The following GUCY1A2 variants were observed in gnomAD, a reference collection of about 807,000 sequenced individuals.
GUCY1A2 encodes guanylate cyclase 1 soluble subunit alpha 2.
In GUCY1A2, 27 loss-of-function variants were observed where a neutral mutation model predicts 63.5. The ratio of observed to expected loss-of-function variants is 0.43; its 90% CI spans 0.31 to 0.59. GUCY1A2 has a LOEUF of 0.59. Ranked by LOEUF, GUCY1A2 falls within the 20% of genes least tolerant of loss-of-function variation. The pLI is 0.11. For synonymous variants in GUCY1A2, 364 were observed against 343.5 expected (o/e 1.06, Z -0.66); for missense variants, 768 against 913.3 (o/e 0.84, Z 2.05).
At chr11:106,899,253 C>A (rs1348618040) in intron 4 of GUCY1A2, among the ~76,000 whole-genome samples, 4 of 152,032 alleles carry the variant, frequency 2.6e-5, no homozygotes, top group Non-Finnish European at 4.4e-5. Context: ...GCAAGGAAAT[C>A]AATCCATACA....
At chr11:106,916,120 C>A (rs2119884035) in intron 4 of GUCY1A2, among the ~76,000 whole-genome samples, 1 of 145,716 alleles carries the variant, frequency 6.9e-6, no homozygotes, top group South Asian at 2.4e-4. Context: ...ACAAAGTATT[C>A]CTTTGATTAA....
chr11:106,861,557 A>G lies in GUCY1A2; in HGVS notation c.1207-51079T>C, dbSNP rs541963390. Among the ~76,000 whole-genome samples the G allele has an allele frequency of 5.3e-5, 8 of 152,106 alleles. No homozygotes were observed. The South Asian group carries it at 1.7e-3, about 32-fold the overall frequency. On this transcript the variant is annotated intron_variant, in intron 4 of 7. Transcript: ENST00000526355. ...GAAACAAGTTGGGGCTCTATCACTA[A>G]GAGTCATTACAGCTATGGTTAGCAA... is the stretch of plus-strand genomic sequence containing the variant.
intron 6 of GUCY1A2, among the ~76,000 whole-genome samples, chr11:106,768,716 G>A (rs918715563): frequency 6.6e-6 from 1 of 152,130 alleles, no homozygotes; most frequent in African/African-American, 2.4e-5. Context: ...ATTGTACCAA[G>A]ATATGGCAGA....
In GUCY1A2 at chr11:106,678,818, A is replaced by G. The variant is rs1447259824; in HGVS notation, c.*8731T>C. ...TTTAAAAAGTGTAATATTTTAAGTA[A>G]AATAATATTGCCAAATTTGCAAACC... On this transcript the variant is annotated 3_prime_UTR_variant, in exon 8 of 8. Coordinates refer to ENST00000526355, the MANE Select transcript of GUCY1A2 (RefSeq NM_000855.3). 1.0e-5 allele frequency: 2 copies of G among 192,914 alleles called. No individual in the cohort carries two copies. Among genetic ancestry groups the G allele is most frequent in the Admixed American group, 1.2e-4 (2 of 16,260 alleles). 12.0% of individuals were successfully genotyped at this position (192,914 alleles called of 1,614,324 possible).
intron 6 of GUCY1A2, among the ~76,000 whole-genome samples, chr11:106,767,796 G>T (rs540811634): frequency 6.6e-6 from 1 of 152,204 alleles, no homozygotes; most frequent in Non-Finnish European, 1.5e-5. Flanking sequence ...TCAGTAAGTA[G>T]ATCTGTCTAT....
chr11:106,940,184 G>C lies in GUCY1A2; in HGVS notation c.488-6C>G, dbSNP rs773194405. The C allele has an allele frequency of 7.5e-7, 1 of 1,329,526 alleles. No individual in the cohort carries two copies. The highest frequency in any genetic ancestry group is 2.3e-5 in the East Asian group (1 of 43,492). The allele number at this position is 1,329,526 out of a possible 1,614,324, so 82.4% of individuals were successfully genotyped here. On this transcript the variant is annotated splice_region_variant and splice_polypyrimidine_tract_variant and intron_variant, in intron 3 of 7. Transcript: ENST00000526355. ...AATTTCCTCAAACTTCAAACCTAGA[G>C]GTAAATGGGAAGCAAATGTTAGTGA... is the stretch of plus-strand genomic sequence containing the variant.
intron 4 of GUCY1A2, among the ~76,000 whole-genome samples, chr11:106,914,241 C>T (rs1457868640): frequency 6.6e-6 from 1 of 152,050 alleles, no homozygotes; most frequent in East Asian, 1.9e-4. Flanking sequence ...GAGTGACATG[C>T]CCTTGAACTT....
intron 4 of GUCY1A2, among the ~76,000 whole-genome samples, chr11:106,848,113 AATC>A (rs568453192): frequency 6.5e-4 from 98 of 151,874 alleles, no homozygotes; most frequent in African/African-American, 2.4e-3. Flanking sequence ...GAGCTCTACC[AATC>A]ATAACAGAGA....
chr11:106,739,565 G>A lies in GUCY1A2; in HGVS notation c.1837-30899C>T, dbSNP rs185826419. On this transcript the variant is annotated intron_variant, in intron 6 of 7. Transcript: ENST00000526355. ...GTAAGCAGCTTGCCTACAACCTAAGGGCAGCACAGGCCAGTGCCTGAATTC... is the reference window on the plus strand; with the variant it reads ...GTAAGCAGCTTGCCTACAACCTAAGAGCAGCACAGGCCAGTGCCTGAATTC... Among the ~76,000 whole-genome samples the A allele has an allele frequency of 6.1e-4, 93 of 152,184 alleles. No individual in the cohort carries two copies. The Middle Eastern group carries it at 0.021, about 34-fold the overall frequency.
chr11:106,708,577 T>C lies in GUCY1A2; in HGVS notation c.1926A>G (p.Thr642=), dbSNP rs560510431. ...TTCCCGACTCGAATTTGCTTGCCAG[T>C]GTGACATTATTTCCAAACAGGCAAT... The part of the protein sequence containing the change: ...PRYCLFGNNV[T]LASKFESGSH... The change falls in exon 7 of 8, where the codon ACA becomes ACG. Residue 642 remains threonine, a synonymous_variant. Coordinates refer to ENST00000526355, the MANE Select transcript of GUCY1A2 (RefSeq NM_000855.3). The C allele has an allele frequency of 6.2e-7, 1 of 1,613,098 alleles. No homozygotes were observed. The highest frequency in any genetic ancestry group is 1.3e-5 in the African/African-American group (1 of 74,914).
At chr11:106,820,889 TTAAA>T (rs1363797417) in intron 4 of GUCY1A2, among the ~76,000 whole-genome samples, 1 of 152,212 alleles carries the variant, frequency 6.6e-6, no homozygotes, top group Non-Finnish European at 1.5e-5. Flanking sequence ...TGTTTATTCA[TTAAA>T]TAAACAAAAA....
chr11:106,891,790 C>T (rs1255360909), intron 4 of GUCY1A2, among the ~76,000 whole-genome samples: 1 of 152,090 alleles, frequency 6.6e-6, no homozygotes, highest in Non-Finnish European at 1.5e-5. Flanking sequence ...CAATACCATA[C>T]TGTGTTATTT....
intron 4 of GUCY1A2, among the ~76,000 whole-genome samples, chr11:106,871,696 C>T (rs992830160): frequency 2.6e-5 from 4 of 152,046 alleles, no homozygotes; most frequent in African/African-American, 9.7e-5. Flanking sequence ...ATGAAATGGA[C>T]ATATTTCTGG....
intron 6 of GUCY1A2, among the ~76,000 whole-genome samples, chr11:106,732,518 T>C (rs1863522855): frequency 6.6e-6 from 1 of 152,120 alleles, no homozygotes; most frequent in African/African-American, 2.4e-5. Context: ...TACTAGAAAA[T>C]ATTTAAATGT....
At chr11:106,898,816 A>C (rs2135483345) in intron 4 of GUCY1A2, among the ~76,000 whole-genome samples, 1 of 152,278 alleles carries the variant, frequency 6.6e-6, no homozygotes, top group South Asian at 2.1e-4. Context: ...TAGATTACAC[A>C]ACACTAAAAG....
At chr11:106,986,728 G>T (rs1861406632) in intron 1 of GUCY1A2, among the ~76,000 whole-genome samples, 1 of 152,110 alleles carries the variant, frequency 6.6e-6, no homozygotes, top group African/African-American at 2.4e-5. Context: ...AGGTGATCCA[G>T]GGCCCCACAG....
chr11:106,827,778 A>C, intron 4 of GUCY1A2: 1 of 1,544,412 alleles, frequency 6.5e-7, no homozygotes, highest in Non-Finnish European at 9.0e-7. Flanking sequence ...TACCAAGAGA[A>C]TATCTTCTGA....
chr11:106,733,990 A>G (rs754087752), intron 6 of GUCY1A2, among the ~76,000 whole-genome samples: 2 of 152,176 alleles, frequency 1.3e-5, no homozygotes, highest in Non-Finnish European at 2.9e-5. Context: ...GGTTAGTCAC[A>G]GTGTATGACT....
At chr11:106,837,883 A>G (rs1481301032) in intron 4 of GUCY1A2, among the ~76,000 whole-genome samples, 3 of 152,042 alleles carry the variant, frequency 2.0e-5, no homozygotes, top group East Asian at 1.9e-4. Context: ...TATGTTTAAT[A>G]ATAGTTTTTG....
Sources: allele counts gnomAD v4.1 joint callset (sites outside exome capture counted in the v4.1 genomes callset), GRCh38; gene constraint gnomAD v4.1.1; transcripts MANE v1.5; gene names NCBI Gene and HGNC (gene_info 2026-07-23, HGNC 2026-07-21).